The following SH3PXD2A variants were observed in gnomAD, a reference collection of about 807,000 sequenced individuals.
The protein encoded by SH3PXD2A is SH3 and PX domains 2A.
A neutral mutation model predicts 115.2 loss-of-function variants in SH3PXD2A; 32 were observed. The ratio of observed to expected loss-of-function variants is 0.28; its 90% CI spans 0.21 to 0.37. The LOEUF is 0.37. SH3PXD2A is among the 10% of genes least tolerant of loss of function. The pLI, the probability that SH3PXD2A is intolerant of heterozygous loss-of-function variation, is 1.00. For missense variants in SH3PXD2A, 1,328 were observed against 1,498.7 expected, an observed-to-expected ratio of 0.89 and a Z score of 1.88; for synonymous variants, 610 against 629.1, an observed-to-expected ratio of 0.97 and a Z score of 0.45.
intron 2 of SH3PXD2A, among the ~76,000 whole-genome samples, chr10:103,774,189 C>T (rs1432609465): frequency 6.6e-6 from 1 of 152,208 alleles, no homozygotes; most frequent in African/African-American, 2.4e-5. Context: ...ACTATTGTTA[C>T]ATGTAAGTCA....
chr10:103,645,102 C>T (rs1320358697), intron 8 of SH3PXD2A, among the ~76,000 whole-genome samples: 1 of 152,224 alleles, frequency 6.6e-6, no homozygotes, highest in Non-Finnish European at 1.5e-5. Context: ...TCTCCTAACT[C>T]AAGGCTCCCC....
At chr10:103,832,335 A>G (rs1184843485) in intron 1 of SH3PXD2A, among the ~76,000 whole-genome samples, 1 of 151,560 alleles carries the variant, frequency 6.6e-6, no homozygotes, top group Non-Finnish European at 1.5e-5. Flanking sequence ...ACACCCTAGA[A>G]TCTAAGGTAT....
intron 6 of SH3PXD2A, among the ~76,000 whole-genome samples, chr10:103,682,335 G>A (rs1002572916): frequency 1.3e-5 from 2 of 152,232 alleles, no homozygotes; most frequent in African/African-American, 2.4e-5. Flanking sequence ...TCGCATCACC[G>A]CCACGTGGGC....
chr10:103,720,721 G>A (rs189563365), intron 5 of SH3PXD2A, among the ~76,000 whole-genome samples: 2 of 152,354 alleles, frequency 1.3e-5, no homozygotes, highest in Admixed American at 6.5e-5. Context: ...GTGCACAGTC[G>A]CCTGGAAAGG....
At chr10:103,654,975 T>TGGG (rs10690697) in intron 8 of SH3PXD2A, among the ~76,000 whole-genome samples, 133,579 of 152,012 alleles carry the variant, frequency 0.88, 58,802 homozygotes, top group East Asian at 1. Context: ...GGCCCAAGAC[T>TGGG]GGGCTAGCAT....
At chr10:103,659,038 TG>T (rs2037252622) in intron 8 of SH3PXD2A, among the ~76,000 whole-genome samples, 1 of 152,204 alleles carries the variant, frequency 6.6e-6, no homozygotes, top group Admixed American at 6.5e-5. Flanking sequence ...CTGGGGTGCC[TG>T]GGCCACCTCT....
chr10:103,676,503 T>A (rs1011281465), intron 6 of SH3PXD2A, among the ~76,000 whole-genome samples: 12 of 152,120 alleles, frequency 7.9e-5, no homozygotes, highest in African/African-American at 2.9e-4. Flanking sequence ...AAGCCAAGGA[T>A]GCCCTAGGAG....
intron 3 of SH3PXD2A, among the ~76,000 whole-genome samples, chr10:103,739,769 A>G (rs2038423586): frequency 1.3e-5 from 2 of 152,238 alleles, no homozygotes; most frequent in South Asian, 4.1e-4. Flanking sequence ...CTAACTCATC[A>G]GGATTAACTC....
At chr10:103,832,968 T>C (rs902544727) in intron 1 of SH3PXD2A, among the ~76,000 whole-genome samples, 2 of 152,216 alleles carry the variant, frequency 1.3e-5, no homozygotes, top group African/African-American at 2.4e-5. Context: ...TATTGCCACA[T>C]TGTTTTCCAA....
intron 5 of SH3PXD2A, among the ~76,000 whole-genome samples, chr10:103,707,120 C>T (rs1287953057): frequency 6.6e-6 from 1 of 152,136 alleles, no homozygotes; most frequent in South Asian, 2.1e-4. Flanking sequence ...GGGCTAAAGT[C>T]TGAAAACAGA....
At chr10:103,701,950 C>G (rs1022610564) in intron 5 of SH3PXD2A, among the ~76,000 whole-genome samples, 49 of 151,642 alleles carry the variant, frequency 3.2e-4, no homozygotes, top group African/African-American at 1.2e-3. Context: ...ATCCAGCCAT[C>G]CATCATCTAT....
intron 7 of SH3PXD2A, among the ~76,000 whole-genome samples, chr10:103,662,572 T>A (rs1220828915): frequency 6.6e-6 from 1 of 150,880 alleles, no homozygotes; most frequent in Non-Finnish European, 1.5e-5. Flanking sequence ...GCTAATTTTT[T>A]GTATTTTTAG....
At chr10:103,843,882 A>G (rs1030975338) in intron 1 of SH3PXD2A, among the ~76,000 whole-genome samples, 5 of 152,178 alleles carry the variant, frequency 3.3e-5, no homozygotes, top group African/African-American at 4.8e-5. Flanking sequence ...TATAAAACAC[A>G]GATGATGACC....
intron 2 of SH3PXD2A, among the ~76,000 whole-genome samples, chr10:103,768,923 G>C (rs2038786775): frequency 6.6e-6 from 1 of 152,104 alleles, no homozygotes; most frequent in African/African-American, 2.4e-5. Flanking sequence ...GGGCGAGACA[G>C]GAAGCAGAGG....
intron 11 of SH3PXD2A, among the ~76,000 whole-genome samples, chr10:103,615,460 A>G (rs2036497676): frequency 7.6e-6 from 1 of 130,914 alleles, no homozygotes; most frequent in Admixed American, 7.7e-5. Context: ...GCAAGCTGGA[A>G]AGGGCGCGAT....
At chr10:103,808,038 G>C (rs2039224958) in intron 1 of SH3PXD2A, among the ~76,000 whole-genome samples, 1 of 151,994 alleles carries the variant, frequency 6.6e-6, no homozygotes, top group Non-Finnish European at 1.5e-5. Flanking sequence ...TCTATCATGG[G>C]GGGGTTGGTA....
At chr10:103,681,366 C>A in intron 6 of SH3PXD2A, among the ~76,000 whole-genome samples, 1 of 152,366 alleles carries the variant, frequency 6.6e-6, no homozygotes, top group Non-Finnish European at 1.5e-5. Flanking sequence ...TGCCAATCCC[C>A]CTGCCATCTT....
At chr10:103,807,955 G>T (rs934572670) in intron 1 of SH3PXD2A, among the ~76,000 whole-genome samples, 2 of 152,210 alleles carry the variant, frequency 1.3e-5, no homozygotes, top group Non-Finnish European at 2.9e-5. Context: ...TCTTACCCAA[G>T]AAGATGCTGC....
chr10:103,708,566 C>T lies in SH3PXD2A; in HGVS notation c.399-15510G>A, dbSNP rs190765843. ...CAGCACCCCTGCCCCCAGGGAACAG[C>T]CTGCAGCCAGGTGCCAGTCCCTGCG... On this transcript the variant is annotated intron_variant, in intron 5 of 14. Transcript: ENST00000369774. 1.5e-3 allele frequency among the ~76,000 whole-genome samples: 230 copies of T among 152,332 alleles called. 1 individual carries two copies. The highest frequency in any genetic ancestry group is 4.1e-3 in the Admixed American group (62 of 15,306).
Sources: allele counts gnomAD v4.1 joint callset (sites outside exome capture counted in the v4.1 genomes callset), GRCh38; gene constraint gnomAD v4.1.1; transcripts MANE v1.5; gene names NCBI Gene and HGNC (gene_info 2026-07-23, HGNC 2026-07-21).